ZMYM4: variants seen among roughly 807,000 people sequenced by gnomAD.
ZMYM4 encodes zinc finger MYM-type containing 4, also known as zinc finger MYM-type protein 4.
ZMYM4 carries 31 observed loss-of-function variants against 183.2 expected under a neutral mutation model. The ratio of observed to expected loss-of-function variants is 0.17; its 90% confidence interval spans 0.13 to 0.23. ZMYM4 has a LOEUF of 0.23. Ranked by LOEUF, ZMYM4 falls within the 10% of genes least tolerant of loss-of-function variation. The pLI, the probability that ZMYM4 is intolerant of heterozygous loss-of-function variation, is 1.00. For missense variants in ZMYM4, 1,273 were observed against 1,840.3 expected (o/e 0.69, Z 5.64); for synonymous variants, 592 against 631.2 (o/e 0.94, Z 0.93).
At chr1:35,395,959 C>G (rs545488985) in intron 18 of ZMYM4, among the ~76,000 whole-genome samples, 3 of 152,124 alleles carry the variant, frequency 2.0e-5, no homozygotes, top group Non-Finnish European at 4.4e-5. Context: ...TCTGTTTCAT[C>G]CTTTTAATAC....
intron 7 of ZMYM4, 100 bp downstream of exon 7, chr1:35,370,727 C>CT (rs3066096): frequency 0.39 from 111,589 of 283,232 alleles, 13,333 homozygotes; most frequent in Non-Finnish European, 0.43. Flanking sequence ...ACATTTATTC[C>CT]TTTTTTTTTT....
At position 35,419,444 on chromosome 1, in the gene ZMYM4, T is replaced by C. The variant is rs758439689; in HGVS notation, c.4440-26T>C. 4 of 1,596,572 alleles carry C rather than the reference T, an allele frequency of 2.5e-6. No homozygotes were observed. The South Asian group carries it at 3.4e-5, about 13-fold the overall frequency. ...CTCTGATTTCTAATTTTCTTTTTTCTCTTTTTTTTTTTCCCCTGTGGATAG... is the reference window on the plus strand; with the variant it reads ...CTCTGATTTCTAATTTTCTTTTTTCCCTTTTTTTTTTTCCCCTGTGGATAG... On this transcript the variant is annotated intron_variant, in intron 29 of 29. Transcript: ENST00000314607.
At chr1:35,374,957 A>G (rs1644303328) in intron 7 of ZMYM4, among the ~76,000 whole-genome samples, 1 of 152,070 alleles carries the variant, frequency 6.6e-6, no homozygotes, top group Admixed American at 6.6e-5. Flanking sequence ...CTTTAAGATT[A>G]TGTTCTCTTC....
At chr1:35,307,658 C>A (rs1236012657) in intron 1 of ZMYM4, among the ~76,000 whole-genome samples, 1 of 150,810 alleles carries the variant, frequency 6.6e-6, no homozygotes, top group Non-Finnish European at 1.5e-5. Context: ...CCTCAGCCTC[C>A]CAAGTAGTTG....
At chr1:35,395,566 A>C (rs1644794309) in intron 18 of ZMYM4, among the ~76,000 whole-genome samples, 1 of 152,198 alleles carries the variant, frequency 6.6e-6, no homozygotes, top group African/African-American at 2.4e-5. Context: ...ATTCTCTGAC[A>C]CATAGAAAGG....
chr1:35,351,442 A>C, intron 2 of ZMYM4: 1 of 1,576,096 alleles, frequency 6.3e-7, no homozygotes, highest in East Asian at 2.2e-5. Flanking sequence ...ATGTATAAGA[A>C]AGCTCATGCT....
chr1:35,319,004 G>T, intron 1 of ZMYM4, among the ~76,000 whole-genome samples: 1 of 152,030 alleles, frequency 6.6e-6, no homozygotes, highest in South Asian at 2.1e-4. Context: ...CTCCTGCCTC[G>T]TGAGTAGCTG....
At chr1:35,276,376 TC>T (rs1035048579) in intron 1 of ZMYM4, among the ~76,000 whole-genome samples, 5 of 151,858 alleles carry the variant, frequency 3.3e-5, no homozygotes, top group African/African-American at 9.7e-5. Context: ...CATCATTTAA[TC>T]TATAAATACT....
chr1:35,315,496 T>G (rs1432205075), intron 1 of ZMYM4, among the ~76,000 whole-genome samples: 2 of 152,202 alleles, frequency 1.3e-5, no homozygotes, highest in East Asian at 3.8e-4. Context: ...GCCAGTCTTT[T>G]TTTGATGGAG....
intron 2 of ZMYM4, among the ~76,000 whole-genome samples, chr1:35,340,884 T>C (rs12567617): frequency 0.065 from 9,916 of 152,236 alleles, 940 homozygotes; most frequent in East Asian, 0.44. Flanking sequence ...CTTTATTTTA[T>C]ATTTTAGCAT....
chr1:35,372,899 G>A (rs1034284408), intron 7 of ZMYM4, among the ~76,000 whole-genome samples: 7 of 152,054 alleles, frequency 4.6e-5, no homozygotes, highest in South Asian at 2.1e-4. Flanking sequence ...GGCTTGCGCC[G>A]GTAATCCCAG....
intron 2 of ZMYM4, among the ~76,000 whole-genome samples, chr1:35,343,750 A>G (rs1643288464): frequency 6.6e-6 from 1 of 151,924 alleles, no homozygotes; most frequent in Non-Finnish European, 1.5e-5. Flanking sequence ...CTGTAATCCC[A>G]GCTACTCGGG....
At chr1:35,284,046 G>A (rs998627783) in intron 1 of ZMYM4, among the ~76,000 whole-genome samples, 9 of 150,906 alleles carry the variant, frequency 6.0e-5, no homozygotes, top group African/African-American at 9.8e-5. Flanking sequence ...GCGCAATCTC[G>A]GCTCACTGCA....
chr1:35,308,929 T>C, intron 1 of ZMYM4: 1 of 979,512 alleles, frequency 1.0e-6, no homozygotes, highest in Non-Finnish European at 1.2e-6. Flanking sequence ...AAAACAATAA[T>C]ACCAAATAAT....
chr1:35,371,136 G>A (rs530479560), intron 7 of ZMYM4, among the ~76,000 whole-genome samples: 74 of 150,816 alleles, frequency 4.9e-4, no homozygotes, highest in Non-Finnish European at 7.4e-4. Context: ...TTTATTTTGA[G>A]ACGGAGTCTC....
chr1:35,294,707 G>A (rs1284497731), intron 1 of ZMYM4, among the ~76,000 whole-genome samples: 1 of 152,002 alleles, frequency 6.6e-6, no homozygotes, highest in Non-Finnish European at 1.5e-5. Flanking sequence ...TTCAATATAT[G>A]AATATAAGAA....
At chr1:35,373,556 T>G (rs1021089372) in intron 7 of ZMYM4, among the ~76,000 whole-genome samples, 5 of 139,174 alleles carry the variant, frequency 3.6e-5, no homozygotes, top group Non-Finnish European at 6.0e-5. Context: ...TTTTTTTTTT[T>G]TTTTTTTTTT....
intron 1 of ZMYM4, among the ~76,000 whole-genome samples, chr1:35,271,680 G>A (rs1639614610): frequency 6.6e-6 from 1 of 152,204 alleles, no homozygotes; most frequent in African/African-American, 2.4e-5. Context: ...TGGGATTACA[G>A]GTGTGAGCTA....
Position 35,419,521 on chromosome 1 carries a change from C to T in ZMYM4, c.4491C>T (p.Arg1497=). ...RNDVFYLQPE[R]SCVPNSPMWY... The stretch of plus-strand genomic sequence containing the variant: ...ATGTGTTTTACCTTCAACCTGAGCG[C>T]TCCTGTGTCCCGAATAGCCCCATGT... Residue 1497 remains arginine (R), a synonymous_variant, in exon 30 of 30, where the codon CGC becomes CGT. Coordinates refer to ENST00000314607, the MANE Select transcript of ZMYM4 (RefSeq NM_005095.3). 6.2e-7 allele frequency: 1 copy of T among 1,613,990 alleles called. No homozygotes were observed. The highest frequency in any genetic ancestry group is 1.1e-5 in the South Asian group (1 of 91,070).
Sources: allele counts gnomAD v4.1 joint callset (sites outside exome capture counted in the v4.1 genomes callset), GRCh38; gene constraint gnomAD v4.1.1; transcripts MANE v1.5; gene names NCBI Gene and HGNC (gene_info 2026-07-23, HGNC 2026-07-21).